The following SORCS2 variants were observed in gnomAD, a reference collection of about 807,000 sequenced individuals.
The protein encoded by SORCS2 is VPS10 domain-containing receptor SorCS2.
SORCS2 carries 100 observed loss-of-function variants against 141.6 expected under a neutral mutation model. That is an observed-to-expected ratio of 0.71 (90% confidence interval 0.60 to 0.83). The LOEUF (loss-of-function observed/expected upper bound fraction) is 0.83, where lower values mean the gene tolerates loss of function less well. Among genes scored for constraint, SORCS2 ranks in the 40% least tolerant of loss-of-function variants. The pLI, the probability that SORCS2 is intolerant of heterozygous loss-of-function variation, is 0.00. For synonymous variants in SORCS2, 789 were observed against 676.9 expected (o/e 1.17, Z -2.57); for missense variants, 1,646 against 1,560.2 (o/e 1.05, Z -0.93).
intron 1 of SORCS2, among the ~76,000 whole-genome samples, chr4:7,389,681 G>T (rs764982287): frequency 5.9e-5 from 9 of 152,268 alleles, no homozygotes; most frequent in Non-Finnish European, 1.2e-4. Context: ...CTTCTAGGAG[G>T]TGGTGGCCTT....
chr4:7,313,704 C>T (rs1471003031), intron 1 of SORCS2, among the ~76,000 whole-genome samples: 1 of 152,218 alleles, frequency 6.6e-6, no homozygotes, highest in Non-Finnish European at 1.5e-5. Flanking sequence ...CCTCTCGCCT[C>T]CCCTTGTCTC....
At chr4:7,619,798 G>A (rs1434930937) in intron 3 of SORCS2, among the ~76,000 whole-genome samples, 1 of 152,208 alleles carries the variant, frequency 6.6e-6, no homozygotes, top group Non-Finnish European at 1.5e-5. Flanking sequence ...GTGCCCGAGT[G>A]GGAAGGGACG....
At chr4:7,475,224 G>A (rs538871007) in intron 2 of SORCS2, among the ~76,000 whole-genome samples, 1 of 152,276 alleles carries the variant, frequency 6.6e-6, no homozygotes, top group South Asian at 2.1e-4. Flanking sequence ...GGACTTGGCA[G>A]GTGGAAAGTC....
chr4:7,434,664 G>T (rs770687750), intron 2 of SORCS2: 2 of 1,612,768 alleles, frequency 1.2e-6, no homozygotes, highest in Non-Finnish European at 1.7e-6. Flanking sequence ...TGCCAGCGGC[G>T]GCTGCTATGT....
At chr4:7,719,883 G>A (rs2109053312) in intron 18 of SORCS2, among the ~76,000 whole-genome samples, 1 of 152,308 alleles carries the variant, frequency 6.6e-6, no homozygotes, top group Admixed American at 6.5e-5. Flanking sequence ...GGAGTTGGCG[G>A]AAGTGAAGAG....
rs190715687 is a variant in SORCS2, at chr4:7,354,644, C to T, written c.481-41644C>T. ...ATCTGGGAGCTTCTGCACACCAAAT[C>T]GGGGAAGGGCACTAATTAAGTAAGA... On this transcript the variant is annotated intron_variant, in intron 1 of 26. Coordinates refer to ENST00000507866, the MANE Select transcript of SORCS2 (RefSeq NM_020777.3). Among the ~76,000 whole-genome samples, 16 of 152,248 alleles carry T rather than the reference C, an allele frequency of 1.1e-4. 1 individual carries two copies. The highest frequency in any genetic ancestry group is 1.9e-4 in the Non-Finnish European group (13 of 68,014).
At chr4:7,258,070 C>T (rs1404167822) in intron 1 of SORCS2, among the ~76,000 whole-genome samples, 3 of 152,326 alleles carry the variant, frequency 2.0e-5, no homozygotes, top group Middle Eastern at 3.4e-3. Context: ...CCAGCAGGGG[C>T]GGAGTGCTTC....
Position 7,723,822 on chromosome 4 carries a change from G to A in SORCS2, c.2550G>A (p.Val850=). 6.2e-7 allele frequency: 1 copy of A among 1,613,430 alleles called. No homozygotes were observed. Residue 850 remains valine (V), a synonymous_variant, in exon 19 of 27, where the codon GTG becomes GTA. Transcript: ENST00000507866. Reference sequence around the variant, plus strand: ...ACGAGAGCCCCGGCATCTACCGCGTGTCCGTCAGGGCAGAGAACACGGCAG... The same window carrying A: ...ACGAGAGCCCCGGCATCTACCGCGTATCCGTCAGGGCAGAGAACACGGCAG... ...HRYESPGIYR[V]SVRAENTAGH... is the part of the protein sequence containing the mutation.
intron 8 of SORCS2, among the ~76,000 whole-genome samples, chr4:7,675,020 C>A (rs1723026811): frequency 6.6e-6 from 1 of 152,110 alleles, no homozygotes; most frequent in Admixed American, 6.5e-5. Flanking sequence ...TGAGAGAAGG[C>A]AAAGGAACAG....
At chr4:7,696,785 C>A (rs1474350940) in intron 11 of SORCS2, among the ~76,000 whole-genome samples, 2 of 152,240 alleles carry the variant, frequency 1.3e-5, no homozygotes, top group East Asian at 3.8e-4. Flanking sequence ...CACCCGGTGC[C>A]CAGGAGCTGT....
intron 3 of SORCS2, among the ~76,000 whole-genome samples, chr4:7,628,216 C>T (rs1437363859): frequency 2.0e-5 from 3 of 152,282 alleles, no homozygotes; most frequent in African/African-American, 7.2e-5. Flanking sequence ...AACAGAACGC[C>T]ACCTCCATTA....
chr4:7,354,293 C>T (rs1033215798), intron 1 of SORCS2, among the ~76,000 whole-genome samples: 14 of 151,962 alleles, frequency 9.2e-5, no homozygotes, highest in Non-Finnish European at 8.8e-5. Flanking sequence ...GACGTATCCC[C>T]CCATGGTAAG....
chr4:7,323,170 C>T (rs4689704), intron 1 of SORCS2, among the ~76,000 whole-genome samples: 116,858 of 152,164 alleles, frequency 0.77, 45,412 homozygotes, highest in African/African-American at 0.89. Context: ...TGTACTTACA[C>T]TTCACTAAGA....
chr4:7,697,180 C>T lies in SORCS2; in HGVS notation c.1592-18C>T. ...GGACGATCCTAAGGGTAGTACTGCC[C>T]CTTTTCTTTTGGACCAGGTAACCTG... On this transcript the variant is annotated intron_variant, in intron 11 of 26. Transcript: ENST00000507866. 1 of 1,565,148 alleles carries T rather than the reference C, an allele frequency of 6.4e-7. No homozygotes were observed. The highest frequency in any genetic ancestry group is 8.7e-7 in the Non-Finnish European group (1 of 1,154,052).
intron 1 of SORCS2, among the ~76,000 whole-genome samples, chr4:7,375,862 G>C (rs1469892449): frequency 6.7e-6 from 1 of 149,878 alleles, no homozygotes; most frequent in Non-Finnish European, 1.5e-5. Context: ...TCTCATTCAA[G>C]TCACTTTCCC....
At chr4:7,557,827 G>T (rs1714248280) in intron 3 of SORCS2, among the ~76,000 whole-genome samples, 1 of 152,220 alleles carries the variant, frequency 6.6e-6, no homozygotes, top group South Asian at 2.1e-4. Context: ...GGGGCACGGT[G>T]CCCCATGCCG....
intron 7 of SORCS2, among the ~76,000 whole-genome samples, chr4:7,666,386 G>A (rs973750363): frequency 2.6e-5 from 4 of 152,174 alleles, no homozygotes; most frequent in Non-Finnish European, 1.5e-5. Context: ...CCTGGTTTCC[G>A]TCATTCTCAA....
At chr4:7,297,469 G>A (rs954805691) in intron 1 of SORCS2, among the ~76,000 whole-genome samples, 1 of 151,996 alleles carries the variant, frequency 6.6e-6, no homozygotes, top group Non-Finnish European at 1.5e-5. Flanking sequence ...AGCTCTGGGG[G>A]TTGGGAAGCT....
chr4:7,620,866 G>A (rs1719120432), intron 3 of SORCS2, among the ~76,000 whole-genome samples: 1 of 152,208 alleles, frequency 6.6e-6, no homozygotes, highest in South Asian at 2.1e-4. Context: ...CGGGAGGGCA[G>A]ATCGGTCTCC....
Sources: allele counts gnomAD v4.1 joint callset (sites outside exome capture counted in the v4.1 genomes callset), GRCh38; gene constraint gnomAD v4.1.1; transcripts MANE v1.5; gene names NCBI Gene and HGNC (gene_info 2026-07-23, HGNC 2026-07-21).